SIDT2: variants seen among roughly 807,000 people sequenced by gnomAD.
SIDT2 encodes the protein SID1 transmembrane family, member 2.
A neutral mutation model predicts 114.4 loss-of-function variants in SIDT2; 68 were observed. That is an observed-to-expected ratio of 0.59 (90% CI 0.49 to 0.73). SIDT2 has a LOEUF of 0.73. SIDT2 is among the 30% of genes least tolerant of loss of function. The pLI, the probability that SIDT2 is intolerant of heterozygous loss-of-function variation, is 0.00. For synonymous variants in SIDT2, 470 were observed against 438.4 expected, an observed-to-expected ratio of 1.07 and a Z score of -0.90; for missense variants, 918 against 1,097.1, an observed-to-expected ratio of 0.84 and a Z score of 2.31.
In SIDT2 at chr11:117,195,798, C is replaced by T. The variant is rs2030875796; in HGVS notation, c.2323-4C>T. ...TTCGGCAGTTTTTCTTGTTGCTCCCCAAGAAAACCCCTGCAGAGTCGAGGG... is the reference window on the plus strand; with the variant it reads ...TTCGGCAGTTTTTCTTGTTGCTCCCTAAGAAAACCCCTGCAGAGTCGAGGG... On this transcript the variant is annotated splice_polypyrimidine_tract_variant and splice_region_variant and intron_variant, in intron 24 of 25. Coordinates refer to ENST00000324225, the MANE Select transcript of SIDT2 (RefSeq NM_001040455.2). 1 of 1,614,028 alleles carries T rather than the reference C, an allele frequency of 6.2e-7. No individual in the cohort carries two copies. The highest frequency in any genetic ancestry group is 1.1e-5 in the South Asian group (1 of 91,082).
In SIDT2 at chr11:117,193,906, C is replaced by T. The variant is rs993703442; in HGVS notation, c.2265C>T (p.Thr755=). Residue 755 remains threonine (T), a synonymous_variant, in exon 24 of 26, where the codon ACC becomes ACT. Coordinates refer to ENST00000324225, the MANE Select transcript of SIDT2 (RefSeq NM_001040455.2). The part of the protein sequence containing the change: ...KLIPLLCIVC[T]SVVWGFALFF... ...TCCCCCTGCTCTGCATCGTTTGCAC[C>T]TCCGTGGTCTGGGGCTTCGCGCTCT... 2 of 1,614,140 alleles carry T rather than the reference C, an allele frequency of 1.2e-6. No homozygotes were observed. Among genetic ancestry groups the T allele is most frequent in the Non-Finnish European group, 1.7e-6 (2 of 1,180,026 alleles).
chr11:117,179,643 G>A, intron 1 of SIDT2, 197 bp downstream of exon 1: 1 of 574,818 alleles, frequency 1.7e-6, no homozygotes, highest in Non-Finnish European at 3.0e-6. Flanking sequence ...GCTCCAGCTG[G>A]GCAGTTTTTG....
chr11:117,193,682 G>A (rs963478074), intron 23 of SIDT2, among the ~76,000 whole-genome samples, 171 bp from the exon 24 acceptor site: 1 of 152,138 alleles, frequency 6.6e-6, no homozygotes, highest in Non-Finnish European at 1.5e-5. Context: ...GGTGGACATC[G>A]GGGTGGGGGC....
In SIDT2 at chr11:117,182,543, G is replaced by A; in HGVS notation, c.541G>A (p.Gly181Ser). 3.7e-6 allele frequency: 6 copies of A among 1,614,214 alleles called. No homozygotes were observed. The highest frequency in any genetic ancestry group is 5.1e-6 in the Non-Finnish European group (6 of 1,180,032). Residue 181 changes from glycine (G) to serine (S), a missense_variant, in exon 5 of 26, where the codon GGC (glycine) becomes AGC (serine). Physicochemically the swap from Gly to Ser is moderately conservative, Grantham distance 56. Coordinates refer to ENST00000324225, the MANE Select transcript of SIDT2 (RefSeq NM_001040455.2). ...GTACTTCAAGTATGAGTTCCCTGAA[G>A]GCGTGGACTCGGTAATTGTCAAGGT... is the stretch of plus-strand genomic sequence containing the variant. ...PQYFKYEFPEGVDSVIVKVTS... is the reference protein window; with the variant it reads ...PQYFKYEFPESVDSVIVKVTS...
At chr11:117,185,390 A>G (rs1316340094) in intron 8 of SIDT2, among the ~76,000 whole-genome samples, 1 of 152,056 alleles carries the variant, frequency 6.6e-6, no homozygotes, top group Non-Finnish European at 1.5e-5. Flanking sequence ...GCAAATATTT[A>G]TGGAGCACCT....
In SIDT2 at chr11:117,181,728, G is replaced by A. The variant is rs192178711; in HGVS notation, c.306-79G>A. On this transcript the variant is annotated intron_variant, in intron 2 of 25. Coordinates refer to ENST00000324225, the MANE Select transcript of SIDT2 (RefSeq NM_001040455.2). ...GGAGGTGGTGGAGACCAGACGGGGC[G>A]AGGTGGGGCCTCGCTCCTCTGGAGG... is the stretch of plus-strand genomic sequence containing the variant. The A allele has an allele frequency of 8.8e-5, 140 of 1,598,912 alleles. No individual in the cohort carries two copies. The East Asian group carries it at 1.7e-3, about 20-fold the overall frequency.
intron 1 of SIDT2, 113 bp downstream of exon 1, chr11:117,179,559 G>C: frequency 1.8e-6 from 2 of 1,137,286 alleles, no homozygotes; most frequent in Non-Finnish European, 2.5e-6. Context: ...TGTCCTGCTA[G>C]GTTCCCAGTT....
chr11:117,181,742 C>A (rs2030293668), intron 2 of SIDT2, 65 bp from the exon 3 acceptor site: 3 of 1,607,810 alleles, frequency 1.9e-6, no homozygotes, highest in Admixed American at 3.3e-5. Flanking sequence ...TGGGGCCTCG[C>A]TCCTCTGGAG....
chr11:117,187,091 G>A (rs1218976391), intron 10 of SIDT2: 5 of 1,446,664 alleles, frequency 3.5e-6, no homozygotes, highest in East Asian at 2.8e-5. Context: ...GCTCGTGGGC[G>A]GGCCAGTGTT....
rs868079534 is a variant in SIDT2 at position 117,188,633 on chromosome 11, A to G, written c.1160-75A>G. 67 of 1,166,328 alleles carry G rather than the reference A, an allele frequency of 5.7e-5. No individual in the cohort carries two copies. The highest frequency in any genetic ancestry group is 1.1e-4 in the African/African-American group (7 of 66,074). 72.2% of individuals were successfully genotyped at this position (1,166,328 alleles called of 1,614,324 possible). A position where few individuals can be genotyped will look rare whatever the true frequency, so the allele number is the denominator to read the frequency against. On this transcript the variant is annotated intron_variant, in intron 12 of 25. Transcript: ENST00000324225. This position sits in a 1 kb window ranked among gnomAD's most constrained non-coding sequence, Gnocchi z 4.0. ...TCCCTACTGCCTAATAATTGTTACAATTGCCTCAGATGGGCGAGGGCCACT... is the reference window on the plus strand; with the variant it reads ...TCCCTACTGCCTAATAATTGTTACAGTTGCCTCAGATGGGCGAGGGCCACT...
chr11:117,179,616 A>G (rs2030185298), intron 1 of SIDT2, 170 bp downstream of exon 1: 1 of 622,658 alleles, frequency 1.6e-6, no homozygotes. Flanking sequence ...TTCCTTTGCC[A>G]CCAATGTTTC....
intron 1 of SIDT2, among the ~76,000 whole-genome samples, chr11:117,181,214 G>T (rs1426250834): frequency 6.6e-6 from 1 of 152,050 alleles, no homozygotes; most frequent in Non-Finnish European, 1.5e-5. Flanking sequence ...ATGTCTGCCG[G>T]CCAGGAGCTG....
Position 117,191,110 on chromosome 11 carries a change from T to G in SIDT2, c.1735+370T>G, listed in dbSNP as rs140056851. ...GGCTAACATGGTGAAACCCCGTCTC[T>G]ACTAAAAATACAAAAAATTAGCCGG... On this transcript the variant is annotated intron_variant, in intron 18 of 25. Coordinates refer to ENST00000324225, the MANE Select transcript of SIDT2 (RefSeq NM_001040455.2). 6.0e-3 allele frequency: 955 copies of G among 160,332 alleles called. 18 individuals carry two copies. The highest frequency in any genetic ancestry group is 0.049 in the East Asian group (269 of 5,504). 9.9% of individuals were successfully genotyped at this position (160,332 alleles called of 1,614,324 possible).
chr11:117,180,827 G>T (rs1321274823), intron 1 of SIDT2, among the ~76,000 whole-genome samples: 2 of 152,086 alleles, frequency 1.3e-5, no homozygotes, highest in African/African-American at 4.8e-5. Context: ...ACCGCACCCG[G>T]CTGTCATTTT....
At chr11:117,183,943 A>G in intron 7 of SIDT2, 65 bp downstream of exon 7, 1 of 1,516,934 alleles carries the variant, frequency 6.6e-7, no homozygotes, top group East Asian at 2.3e-5. Flanking sequence ...GGGAGCAAGA[A>G]GAGCCTGCGT....
chr11:117,192,067 C>A lies in SIDT2; in HGVS notation c.1872+53C>A. The A allele has an allele frequency of 1.2e-6, 2 of 1,608,110 alleles. No individual in the cohort carries two copies. The highest frequency in any genetic ancestry group is 8.5e-7 in the Non-Finnish European group (1 of 1,176,302). On this transcript the variant is annotated intron_variant, in intron 19 of 25. Transcript: ENST00000324225. This position sits in a 1 kb window ranked among gnomAD's most constrained non-coding sequence, Gnocchi z 5.9. Reference sequence around the variant, plus strand: ...CTGTATGATAGGAAAGGTGCACGTGCGTTCAGACACGTAGTGCACACCCTC... The same window carrying A: ...CTGTATGATAGGAAAGGTGCACGTGAGTTCAGACACGTAGTGCACACCCTC...
intron 1 of SIDT2, among the ~76,000 whole-genome samples, chr11:117,180,054 C>T (rs759734057): frequency 2.0e-5 from 3 of 152,210 alleles, no homozygotes; most frequent in Non-Finnish European, 4.4e-5. Context: ...TTGGTTTCTT[C>T]ACCAGCTGTG....
At chr11:117,186,939 A>G (rs958631293) in intron 10 of SIDT2, 5 of 1,482,548 alleles carry the variant, frequency 3.4e-6, no homozygotes, top group Non-Finnish European at 4.5e-6. Flanking sequence ...TCTCTCTTCC[A>G]CCCCTCCCTC....
In SIDT2 at chr11:117,179,168, A is replaced by AGCTGCG; in HGVS notation, c.-93_-88dup. On this transcript the variant is annotated 5_prime_UTR_variant, in exon 1 of 26. Transcript: ENST00000324225. ...GTTCTGGTCCTGGTGAGATGCTGGAAGCTGCGGCCGCAGCCGCAACCCGTC... is the reference window on the plus strand; with the variant it reads ...GTTCTGGTCCTGGTGAGATGCTGGAAGCTGCGGCTGCGGCCGCAGCCGCAACCCGTC... The AGCTGCG allele has an allele frequency of 8.4e-7, 1 of 1,187,944 alleles. No homozygotes were observed. The highest frequency in any genetic ancestry group is 1.2e-6 in the Non-Finnish European group (1 of 844,778). The allele number at this position is 1,187,944 out of a possible 1,614,324, so 73.6% of individuals were successfully genotyped here. A position where few individuals can be genotyped will look rare whatever the true frequency, so the allele number is the denominator to read the frequency against.
Sources: allele counts gnomAD v4.1 joint callset (sites outside exome capture counted in the v4.1 genomes callset), GRCh38; gene constraint gnomAD v4.1.1; non-coding constraint Gnocchi (gnomAD v3.1); transcripts MANE v1.5; gene names NCBI Gene and HGNC (gene_info 2026-07-23, HGNC 2026-07-21).